The following USH2A variants were observed in gnomAD, a reference collection of about 807,000 sequenced individuals.
The protein encoded by USH2A is usherin, also known as Usher syndrome 2A (autosomal recessive, mild).
In USH2A, 443 loss-of-function variants were observed where a neutral mutation model predicts 538.9. The ratio of observed to expected loss-of-function variants is 0.82; its 90% CI spans 0.76 to 0.89. USH2A has a LOEUF of 0.89. USH2A is among the 40% of genes least tolerant of loss of function. The probability of loss-of-function intolerance (pLI) is 0.00; values close to 1 mark genes in which losing one functional copy is unlikely to be tolerated. For missense variants in USH2A, 6,633 were observed against 6,324.8 expected (o/e 1.05, Z -1.65); for synonymous variants, 2,413 against 2,273.5 (o/e 1.06, Z -1.75).
At chr1:216,125,640 T>C (rs1356939337) in intron 21 of USH2A, among the ~76,000 whole-genome samples, 3 of 152,206 alleles carry the variant, frequency 2.0e-5, no homozygotes, top group Admixed American at 1.3e-4. Flanking sequence ...TGGATAAACA[T>C]CTTTTTATCA....
At chr1:215,732,476 G>A (rs540408405) in intron 60 of USH2A, among the ~76,000 whole-genome samples, 2 of 148,996 alleles carry the variant, frequency 1.3e-5, no homozygotes, top group South Asian at 2.1e-4. Context: ...CGGTTCCATG[G>A]CTTTGGTATC....
Position 215,675,234 on chromosome 1 carries a change from T to C in USH2A, c.12677A>G (p.Asn4226Ser). 3 of 1,614,196 alleles carry C rather than the reference T, an allele frequency of 1.9e-6. No homozygotes were observed. The highest frequency in any genetic ancestry group is 2.5e-6 in the Non-Finnish European group (3 of 1,180,024). Residue 4226 changes from asparagine to serine, a missense_variant, in exon 63 of 72, where the codon AAT becomes AGT. Transcript: ENST00000307340. ...YNTERNTFMY[N>S]DTGLQPWTQC... ...CGTCCATGGTTGCAAACCTGTGTCA[T>C]TATACATAAATGTATTCCTTTCAGT...
intron 21 of USH2A, among the ~76,000 whole-genome samples, chr1:216,127,643 C>T (rs1473508503): frequency 6.6e-6 from 1 of 152,074 alleles, no homozygotes; most frequent in Admixed American, 6.6e-5. Flanking sequence ...TGGAAAATTA[C>T]CCAAATGATA....
chr1:216,325,617 G>A lies in USH2A; in HGVS notation c.849-18C>T, dbSNP rs1226705675. The A allele has an allele frequency of 6.2e-7, 1 of 1,610,720 alleles. No homozygotes were observed. The highest frequency in any genetic ancestry group is 8.5e-7 in the Non-Finnish European group (1 of 1,178,778). On this transcript the variant is annotated intron_variant, in intron 5 of 71. Coordinates refer to ENST00000307340, the MANE Select transcript of USH2A (RefSeq NM_206933.4). ...GAATCTCTCTGTGGGAGTCAAGAGGGAGACTGTAAGGACAAAGAGCTTAAC... is the reference window on the plus strand; with the variant it reads ...GAATCTCTCTGTGGGAGTCAAGAGGAAGACTGTAAGGACAAAGAGCTTAAC...
At chr1:215,720,184 T>A (rs1571619284) in intron 61 of USH2A, among the ~76,000 whole-genome samples, 1 of 150,702 alleles carries the variant, frequency 6.6e-6, no homozygotes, top group East Asian at 2.0e-4. Context: ...ATAAAAAAAA[T>A]TAAAGAAGGG....
Position 216,394,114 on chromosome 1 carries a change from T to C in USH2A, c.651+24400A>G, listed in dbSNP as rs146929883. Among the ~76,000 whole-genome samples, 260 of 152,238 alleles carry C rather than the reference T, an allele frequency of 1.7e-3. 5 individuals carry two copies. Among genetic ancestry groups the C allele is most frequent in the African/African-American group, 5.9e-3 (246 of 41,546 alleles). On this transcript the variant is annotated intron_variant, in intron 3 of 71. Coordinates refer to ENST00000307340, the MANE Select transcript of USH2A (RefSeq NM_206933.4). ...ATTAGAGAAGTGTAAATTAAAACCATAATGAGATACCACTAAACACCTATC... is the reference window on the plus strand; with the variant it reads ...ATTAGAGAAGTGTAAATTAAAACCACAATGAGATACCACTAAACACCTATC...
chr1:216,006,369 A>G (rs933089806), intron 32 of USH2A, among the ~76,000 whole-genome samples: 1 of 152,124 alleles, frequency 6.6e-6, no homozygotes, highest in Non-Finnish European at 1.5e-5. Flanking sequence ...AGATATTTTC[A>G]ATAGTTTCAT....
Position 216,196,735 on chromosome 1 carries a change from A to T in USH2A, c.4082-13T>A, listed in dbSNP as rs1194072509. 1 of 1,610,754 alleles carries T rather than the reference A, an allele frequency of 6.2e-7. No individual in the cohort carries two copies. Among genetic ancestry groups the T allele is most frequent in the South Asian group, 1.1e-5 (1 of 90,848 alleles). Reference sequence around the variant, plus strand: ...ATGAATACAGGTGCTATCAATGAGAACAATAACAATAACATCAAAACAATG... The same window carrying T: ...ATGAATACAGGTGCTATCAATGAGATCAATAACAATAACATCAAAACAATG... On this transcript the variant is annotated splice_polypyrimidine_tract_variant and intron_variant, in intron 18 of 71. Transcript: ENST00000307340.
Position 216,289,383 on chromosome 1 carries a change from T to G in USH2A, c.1868A>C (p.Tyr623Ser). 1 of 1,613,954 alleles carries G rather than the reference T, an allele frequency of 6.2e-7. No individual in the cohort carries two copies. Among genetic ancestry groups the G allele is most frequent in the Non-Finnish European group, 8.5e-7 (1 of 1,179,844 alleles). Residue 623 changes from tyrosine (Y) to serine (S), a missense_variant, in exon 11 of 72, where the codon TAC becomes TCC. Tyr to Ser is a moderately radical substitution (Grantham distance 144). Coordinates refer to ENST00000307340, the MANE Select transcript of USH2A (RefSeq NM_206933.4). The stretch of plus-strand genomic sequence containing the variant: ...ATCTGCACCAACTTGTCGGAAAAAG[T>G]AATCCTTGCACAGCTCACAGTTCCT... Reference protein sequence around the residue: ...TGRNCELCKDYFFRQVGADPS... With the variant: ...TGRNCELCKDSFFRQVGADPS...
At chr1:216,299,138 G>A (rs2037164884) in intron 9 of USH2A, among the ~76,000 whole-genome samples, 1 of 152,054 alleles carries the variant, frequency 6.6e-6, no homozygotes, top group African/African-American at 2.4e-5. Flanking sequence ...CACCGTGCCT[G>A]TCCGAGAATA....
intron 4 of USH2A, among the ~76,000 whole-genome samples, chr1:216,331,597 A>G (rs2102665091): frequency 6.6e-6 from 1 of 152,272 alleles, no homozygotes; most frequent in East Asian, 1.9e-4. Flanking sequence ...TTATCTACTC[A>G]GAAAATTTCC....
intron 50 of USH2A, among the ~76,000 whole-genome samples, chr1:215,791,287 G>T (rs1019161518): frequency 1.4e-4 from 22 of 152,132 alleles, no homozygotes; most frequent in African/African-American, 5.3e-4. Flanking sequence ...ATTTTAATTG[G>T]AATTTTGTTT....
chr1:216,379,487 G>A (rs995169635), intron 3 of USH2A, among the ~76,000 whole-genome samples: 3 of 151,088 alleles, frequency 2.0e-5, no homozygotes, highest in African/African-American at 7.3e-5. Flanking sequence ...TTAACAAATT[G>A]TAAGAAGTAT....
At chr1:215,823,284 T>A (rs1663064763) in intron 47 of USH2A, among the ~76,000 whole-genome samples, 1 of 152,096 alleles carries the variant, frequency 6.6e-6, no homozygotes, top group African/African-American at 2.4e-5. Context: ...CTCTTTCATA[T>A]TTGAAGGATA....
chr1:216,046,006 G>GGTGTGTGTGTGTGTGTGTGT (rs59426829), intron 32 of USH2A, among the ~76,000 whole-genome samples: 2 of 137,670 alleles, frequency 1.5e-5, no homozygotes, highest in East Asian at 2.3e-4. Context: ...CTATTTATCT[G>GGTGTGTGTGTGTGTGTGTGT]GTGTGTGTGT....
intron 21 of USH2A, among the ~76,000 whole-genome samples, chr1:216,124,393 T>C (rs992914363): frequency 6.6e-6 from 1 of 151,520 alleles, no homozygotes; most frequent in Non-Finnish European, 1.5e-5. Flanking sequence ...GTACTGCATA[T>C]ACTGAACAAG....
intron 13 of USH2A, among the ~76,000 whole-genome samples, chr1:216,238,103 T>C (rs1391928225): frequency 6.6e-6 from 1 of 152,174 alleles, no homozygotes; most frequent in Admixed American, 6.5e-5. Flanking sequence ...TTAATAAATA[T>C]GATGTGCTAC....
intron 56 of USH2A, among the ~76,000 whole-genome samples, chr1:215,763,935 G>A (rs1489832640): frequency 6.6e-6 from 1 of 152,064 alleles, no homozygotes; most frequent in African/African-American, 2.4e-5. Flanking sequence ...ATGGAAAAGG[G>A]AGCCATCAAG....
chr1:216,135,207 C>T (rs1174595024), intron 21 of USH2A, among the ~76,000 whole-genome samples: 12 of 148,842 alleles, frequency 8.1e-5, no homozygotes, highest in Non-Finnish European at 1.6e-4. Flanking sequence ...CACACACAAT[C>T]TTAAGTGTAT....
Sources: allele counts gnomAD v4.1 joint callset (sites outside exome capture counted in the v4.1 genomes callset), GRCh38; gene constraint gnomAD v4.1.1; transcripts MANE v1.5; gene names NCBI Gene and HGNC (gene_info 2026-07-23, HGNC 2026-07-21).